Variants in FBXO42 observed in about 807,000 individuals in gnomAD.
FBXO42 encodes the protein F-box protein 42, also known as F-box only protein 42.
A neutral mutation model predicts 71.7 loss-of-function variants in FBXO42; 12 were observed. The observed-to-expected ratio is 0.17, with a 90% confidence interval of 0.11 to 0.27. FBXO42 has a LOEUF of 0.27. Among genes scored for constraint, FBXO42 ranks in the 10% least tolerant of loss-of-function variants. The pLI is 1.00. For missense variants in FBXO42, 707 were observed against 911.9 expected (o/e 0.78, Z 2.89); for synonymous variants, 325 against 327.5 (o/e 0.99, Z 0.08).
intron 4 of FBXO42, among the ~76,000 whole-genome samples, chr1:16,262,926 G>A (rs1201992523): frequency 1.3e-5 from 2 of 150,974 alleles, no homozygotes; most frequent in Non-Finnish European, 3.0e-5. Context: ...GTGTAGGCTC[G>A]TCTCAAACTC....
rs1419959860 is a variant in FBXO42 at position 16,266,470 on chromosome 1, A to G, written c.503-9711T>C. On this transcript the variant is annotated intron_variant, in intron 4 of 9. Coordinates refer to ENST00000375592, the MANE Select transcript of FBXO42 (RefSeq NM_018994.3). ...CCACTCTGTGCAGACTCGCTTTCTC[A>G]GAGTGGGTCCAATATAAAGCATTCA... Among the ~76,000 whole-genome samples, 7 of 152,276 alleles carry G rather than the reference A, an allele frequency of 4.6e-5. No homozygotes were observed. In the East Asian group the frequency reaches 7.7e-4, roughly 17 times the overall value.
intron 1 of FBXO42, among the ~76,000 whole-genome samples, chr1:16,335,320 T>G (rs1167269607): frequency 6.6e-6 from 1 of 152,048 alleles, no homozygotes; most frequent in African/African-American, 2.4e-5. Flanking sequence ...TTTTATTTTG[T>G]AGAGCCAGGA....
intron 1 of FBXO42, among the ~76,000 whole-genome samples, chr1:16,336,512 C>A (rs532349143): frequency 2.0e-5 from 3 of 151,566 alleles, no homozygotes; most frequent in Non-Finnish European, 2.9e-5. Context: ...CAGACACCAT[C>A]ACGCCTGGCT....
intron 3 of FBXO42, among the ~76,000 whole-genome samples, chr1:16,298,301 G>T (rs945258349): frequency 5.3e-5 from 8 of 152,070 alleles, no homozygotes; most frequent in African/African-American, 1.9e-4. Context: ...CAAACAAAAG[G>T]ACAATTACTG....
intron 1 of FBXO42, among the ~76,000 whole-genome samples, chr1:16,326,100 G>C (rs1329088435): frequency 1.4e-5 from 2 of 145,758 alleles, no homozygotes; most frequent in Non-Finnish European, 3.1e-5. Flanking sequence ...TTGTTGCCCA[G>C]GCTGGAGTGC....
intron 6 of FBXO42, 64 bp from the exon 7 acceptor site, chr1:16,253,795 G>T: frequency 6.8e-7 from 1 of 1,474,318 alleles, no homozygotes. Flanking sequence ...ATGGTGGCTG[G>T]GGAGTTCCAC....
At chr1:16,258,616 C>T (rs773131067) in intron 4 of FBXO42, among the ~76,000 whole-genome samples, 2 of 152,084 alleles carry the variant, frequency 1.3e-5, no homozygotes, top group African/African-American at 2.4e-5. Context: ...CTTGGCCTTT[C>T]GAAGTGTTAG....
intron 1 of FBXO42, among the ~76,000 whole-genome samples, chr1:16,339,108 C>G (rs770892272): frequency 6.6e-6 from 1 of 151,980 alleles, no homozygotes; most frequent in African/African-American, 2.4e-5. Context: ...CCCTGCCCAG[C>G]GGTCATTTAT....
intron 1 of FBXO42, among the ~76,000 whole-genome samples, chr1:16,350,753 A>AGAAAAGAAAAG (rs1553156680): frequency 3.5e-5 from 1 of 28,872 alleles, no homozygotes. Flanking sequence ...CAAAAAAAAA[A>AGAAAAGAAAAG]AAAAAAAGAA....
At chr1:16,350,916 AAACAGTTACTGG>A (rs1366120234) in intron 1 of FBXO42, among the ~76,000 whole-genome samples, 2 of 152,290 alleles carry the variant, frequency 1.3e-5, no homozygotes, top group Non-Finnish European at 2.9e-5. Flanking sequence ...TGTCAAAAGC[AAACAGTTACTGG>A]GTATAAAATG....
intron 4 of FBXO42, among the ~76,000 whole-genome samples, chr1:16,270,734 CCTTA>C (rs924795440): frequency 8.4e-6 from 1 of 119,206 alleles, no homozygotes; most frequent in African/African-American, 3.2e-5. Flanking sequence ...ATTCCAAATC[CCTTA>C]CTTACCATGA....
chr1:16,282,308 T>G (rs1029480669), intron 4 of FBXO42, among the ~76,000 whole-genome samples: 3 of 150,478 alleles, frequency 2.0e-5, no homozygotes, highest in Admixed American at 6.6e-5. Flanking sequence ...TCACTGCAAC[T>G]TCTGCCTCCT....
chr1:16,340,032 C>A (rs566382612), intron 1 of FBXO42, among the ~76,000 whole-genome samples: 1 of 152,024 alleles, frequency 6.6e-6, no homozygotes, highest in Non-Finnish European at 1.5e-5. Context: ...AAAAAATTAG[C>A]CAGGCGTGGT....
At chr1:16,279,870 A>T (rs1167154016) in intron 4 of FBXO42, among the ~76,000 whole-genome samples, 11 of 26,440 alleles carry the variant, frequency 4.2e-4, no homozygotes, top group Non-Finnish European at 3.4e-4. Context: ...TTTTTGAGAC[A>T]GAGTCTTGCT....
chr1:16,255,540 C>T (rs1023857494), intron 6 of FBXO42, among the ~76,000 whole-genome samples, 171 bp downstream of exon 6: 9 of 152,196 alleles, frequency 5.9e-5, no homozygotes, highest in South Asian at 4.2e-4. Context: ...TCGCCATGTT[C>T]GCCATGCTGG....
At chr1:16,326,183 G>C (rs1206658445) in intron 1 of FBXO42, among the ~76,000 whole-genome samples, 2 of 151,640 alleles carry the variant, frequency 1.3e-5, no homozygotes, top group Non-Finnish European at 2.9e-5. Flanking sequence ...AGCCTCCCAA[G>C]TAGCTGGGAT....
chr1:16,309,234 A>G (rs927233905), intron 2 of FBXO42, among the ~76,000 whole-genome samples: 5 of 146,440 alleles, frequency 3.4e-5, no homozygotes, highest in Non-Finnish European at 7.5e-5. Context: ...TACCCAGCTA[A>G]TTTTTTTTTT....
At chr1:16,313,400 T>C (rs2082335796) in intron 2 of FBXO42, among the ~76,000 whole-genome samples, 1 of 150,474 alleles carries the variant, frequency 6.6e-6, no homozygotes, top group Admixed American at 6.6e-5. Flanking sequence ...AAAATAAGAC[T>C]GCCAAAGAAA....
chr1:16,322,197 C>G (rs999830227), intron 1 of FBXO42, among the ~76,000 whole-genome samples: 7 of 151,962 alleles, frequency 4.6e-5, no homozygotes, highest in Admixed American at 2.0e-4. Context: ...AATTTTGTAC[C>G]TTTTAAGGTA....
Sources: allele counts gnomAD v4.1 joint callset (sites outside exome capture counted in the v4.1 genomes callset), GRCh38; gene constraint gnomAD v4.1.1; transcripts MANE v1.5; gene names NCBI Gene and HGNC (gene_info 2026-07-23, HGNC 2026-07-21).